Variants in BMPR1B observed in about 807,000 individuals in gnomAD.
The protein encoded by BMPR1B is bone morphogenetic protein receptor type 1B.
Under a neutral mutation model 59.1 loss-of-function variants are expected in BMPR1B, and 12 were observed. The observed-to-expected ratio is 0.20, with a 90% CI of 0.13 to 0.33. BMPR1B has a LOEUF of 0.33. BMPR1B is among the 10% of genes least tolerant of loss of function. The pLI is 1.00. For missense variants in BMPR1B, 550 were observed against 610.9 expected (o/e 0.90, Z 1.05); for synonymous variants, 237 against 207.3 (o/e 1.14, Z -1.23).
At position 95,131,501 on chromosome 4, in the gene BMPR1B, T is replaced by G. The variant is rs139872191; in HGVS notation, c.1065T>G (p.Val355=). The part of the protein sequence containing the change: ...TCCIADLGLA[V]KFISDTNEVD... Reference sequence around the variant, plus strand: ...GTATTGCTGACCTGGGCCTGGCTGTTAAATTTATTAGGTTAGTATCAAAGT... The same window carrying G: ...GTATTGCTGACCTGGGCCTGGCTGTGAAATTTATTAGGTTAGTATCAAAGT... The change falls in exon 10 of 13, where the codon GTT becomes GTG. Residue 355 remains valine (V), a synonymous_variant. Transcript: ENST00000515059. The G allele has an allele frequency of 2.5e-6, 4 of 1,614,070 alleles. No homozygotes were observed. The East Asian group carries it at 6.7e-5, about 27-fold the overall frequency.
At chr4:95,005,650 T>C (rs1351180666) in intron 3 of BMPR1B, among the ~76,000 whole-genome samples, 1 of 152,230 alleles carries the variant, frequency 6.6e-6, no homozygotes, top group Non-Finnish European at 1.5e-5. Flanking sequence ...TCTTTCACTT[T>C]TTTATCTTGT....
intron 2 of BMPR1B, among the ~76,000 whole-genome samples, chr4:94,894,243 A>G (rs1368800820): frequency 2.0e-5 from 3 of 152,022 alleles, no homozygotes; most frequent in Non-Finnish European, 2.9e-5. Context: ...AATGGTACTC[A>G]TTGTGTGTTG....
rs1043468645 is a variant in BMPR1B, at chr4:95,155,033, G to A, written c.*360G>A. On this transcript the variant is annotated 3_prime_UTR_variant, in exon 13 of 13. Coordinates refer to ENST00000515059, the MANE Select transcript of BMPR1B (RefSeq NM_001203.3). ...TAATGTGGATGGTTTAAGGGTTATA[G>A]TATTATAGTTTAAATAATAACAACA... The A allele has an allele frequency of 4.2e-5, 9 of 213,702 alleles. No homozygotes were observed. Among genetic ancestry groups the A allele is most frequent in the East Asian group, 3.5e-4 (3 of 8,612 alleles). 13.2% of individuals were successfully genotyped at this position (213,702 alleles called of 1,614,324 possible). A position where few individuals can be genotyped will look rare whatever the true frequency, so the allele number is the denominator to read the frequency against.
At chr4:95,089,478 A>T (rs1359312239) in intron 3 of BMPR1B, among the ~76,000 whole-genome samples, 1 of 152,158 alleles carries the variant, frequency 6.6e-6, no homozygotes, top group East Asian at 1.9e-4. Flanking sequence ...AAAGAAAGAA[A>T]ATTTACAGGT....
chr4:94,975,258 C>T (rs549242897), intron 2 of BMPR1B, among the ~76,000 whole-genome samples: 12 of 151,792 alleles, frequency 7.9e-5, no homozygotes, highest in East Asian at 7.8e-4. Context: ...TTGCCTTGAG[C>T]GTTCTCAGAG....
chr4:95,099,237 C>T (rs981619284), intron 3 of BMPR1B, among the ~76,000 whole-genome samples: 1 of 152,142 alleles, frequency 6.6e-6, no homozygotes. Flanking sequence ...CTTCTTGGCT[C>T]GATTCTCTTT....
chr4:95,136,785 T>G (rs892560353), intron 10 of BMPR1B, among the ~76,000 whole-genome samples: 4 of 152,178 alleles, frequency 2.6e-5, no homozygotes, highest in African/African-American at 9.7e-5. Context: ...TTGCATCTAT[T>G]TGATTCTTCT....
chr4:95,089,286 C>T (rs1729811220), intron 3 of BMPR1B, among the ~76,000 whole-genome samples: 1 of 152,050 alleles, frequency 6.6e-6, no homozygotes, highest in Non-Finnish European at 1.5e-5. Context: ...TTATTTCTCA[C>T]ATAGCATCCC....
intron 2 of BMPR1B, among the ~76,000 whole-genome samples, chr4:94,928,106 G>A (rs144357165): frequency 3.3e-5 from 5 of 151,402 alleles, no homozygotes; most frequent in African/African-American, 9.7e-5. Flanking sequence ...CGAAAGTCTC[G>A]TCAAATGATT....
chr4:94,844,146 G>A (rs1725218234), intron 1 of BMPR1B, among the ~76,000 whole-genome samples: 1 of 152,138 alleles, frequency 6.6e-6, no homozygotes, highest in African/African-American at 2.4e-5. Context: ...TTTGCTAAAA[G>A]AATTGATCTT....
chr4:94,783,600 T>C (rs1202068839), intron 1 of BMPR1B, among the ~76,000 whole-genome samples: 1 of 152,196 alleles, frequency 6.6e-6, no homozygotes, highest in Non-Finnish European at 1.5e-5. Context: ...CTGTTTCTCT[T>C]GGAGTGACAC....
chr4:94,958,951 C>A (rs1040505856), intron 2 of BMPR1B, among the ~76,000 whole-genome samples: 1 of 151,886 alleles, frequency 6.6e-6, no homozygotes, highest in Non-Finnish European at 1.5e-5. Context: ...TGATTAAAAT[C>A]TTGATTTGGA....
intron 2 of BMPR1B, among the ~76,000 whole-genome samples, chr4:94,981,378 T>C (rs961796553): frequency 6.6e-6 from 1 of 152,158 alleles, no homozygotes; most frequent in African/African-American, 2.4e-5. Flanking sequence ...AGCAAATTTA[T>C]CTTCTATTGA....
At chr4:95,107,135 C>A (rs1316798802) in intron 4 of BMPR1B, among the ~76,000 whole-genome samples, 1 of 151,990 alleles carries the variant, frequency 6.6e-6, no homozygotes, top group South Asian at 2.1e-4. Context: ...GAACAATCTA[C>A]CAGTGTATGA....
chr4:94,958,533 C>G (rs146597110), intron 2 of BMPR1B, among the ~76,000 whole-genome samples: 239 of 152,216 alleles, frequency 1.6e-3, no homozygotes, highest in African/African-American at 5.4e-3. Context: ...TCTCTGGTGT[C>G]TCCTTCTGTC....
At chr4:95,034,007 AT>A (rs1354303685) in intron 3 of BMPR1B, among the ~76,000 whole-genome samples, 1 of 152,148 alleles carries the variant, frequency 6.6e-6, no homozygotes, top group Non-Finnish European at 1.5e-5. Context: ...GATCCATCAA[AT>A]TTTTCAGCTG....
At chr4:95,109,607 A>G (rs1287684017) in intron 4 of BMPR1B, among the ~76,000 whole-genome samples, 1 of 152,036 alleles carries the variant, frequency 6.6e-6, no homozygotes, top group Non-Finnish European at 1.5e-5. Flanking sequence ...CCATTTAAAT[A>G]TTGATCTATT....
chr4:95,070,343 A>T (rs543961148), intron 3 of BMPR1B, among the ~76,000 whole-genome samples: 1 of 152,178 alleles, frequency 6.6e-6, no homozygotes, highest in Admixed American at 6.6e-5. Context: ...TGGATTGGGC[A>T]TAGCGAATAT....
intron 1 of BMPR1B, among the ~76,000 whole-genome samples, chr4:94,795,000 A>C (rs1441988319): frequency 6.9e-6 from 1 of 144,646 alleles, no homozygotes; most frequent in Non-Finnish European, 1.5e-5. Flanking sequence ...TCCTAATTGA[A>C]TACCCTTTAT....
Sources: gnomAD v4.1 joint callset for allele counts (sites outside exome capture counted in the v4.1 genomes callset) on GRCh38, gnomAD v4.1.1 for gene constraint, MANE v1.5 for transcripts, NCBI Gene and HGNC (gene_info 2026-07-23, HGNC 2026-07-21) for gene names.